The following LMTK2 variants were observed in gnomAD, a reference collection of about 807,000 sequenced individuals.
LMTK2 encodes the protein serine/threonine-protein kinase LMTK2.
A neutral mutation model predicts 127.5 loss-of-function variants in LMTK2; 37 were observed. That is an observed-to-expected ratio of 0.29 (90% CI 0.22 to 0.38). The LOEUF is 0.38. Among genes scored for constraint, LMTK2 ranks in the 10% least tolerant of loss-of-function variants. LMTK2 has a pLI of 1.00. For synonymous variants in LMTK2, 819 were observed against 810.1 expected (o/e 1.01, Z -0.19); for missense variants, 1,694 against 1,920.3 (o/e 0.88, Z 2.20).
intron 7 of LMTK2, among the ~76,000 whole-genome samples, chr7:98,172,419 G>T (rs1398962218): frequency 6.7e-6 from 1 of 150,208 alleles, no homozygotes; most frequent in African/African-American, 2.5e-5. Flanking sequence ...TTGAATGACC[G>T]TAGTTCTTTG....
rs567752815 is a variant in LMTK2 at position 98,136,655 on chromosome 7, C to T, written c.104-660C>T. ...GTGGGAGCCACCTGGCCCATGGGATCAAAGTCACCTCACCAGGCATAGGTC... is the reference window on the plus strand; with the variant it reads ...GTGGGAGCCACCTGGCCCATGGGATTAAAGTCACCTCACCAGGCATAGGTC... On this transcript the variant is annotated intron_variant, in intron 1 of 13. Transcript: ENST00000297293. 1.1e-4 allele frequency among the ~76,000 whole-genome samples: 16 copies of T among 152,312 alleles called. 1 individual carries two copies. The South Asian group carries it at 2.9e-3, about 28-fold the overall frequency.
intron 1 of LMTK2, among the ~76,000 whole-genome samples, chr7:98,120,597 G>A (rs1796347165): frequency 6.6e-6 from 1 of 152,086 alleles, no homozygotes; most frequent in Non-Finnish European, 1.5e-5. Flanking sequence ...TTTTCTCATC[G>A]CAGATTCTTC....
At chr7:98,150,307 C>CA (rs35422809) in intron 3 of LMTK2, among the ~76,000 whole-genome samples, 57,574 of 116,656 alleles carry the variant, frequency 0.49, 14,398 homozygotes, top group Middle Eastern at 0.68. Flanking sequence ...GACCCTGTCT[C>CA]AAAAAAAAAA....
chr7:98,164,126 C>G (rs138977218), intron 6 of LMTK2, among the ~76,000 whole-genome samples: 152 of 152,352 alleles, frequency 1.0e-3, no homozygotes, highest in African/African-American at 3.5e-3. Flanking sequence ...GAAAACTCCT[C>G]TGAGTGCATT....
chr7:98,141,642 T>A lies in LMTK2; in HGVS notation c.376+101T>A. The stretch of plus-strand genomic sequence containing the variant: ...AATATTGGACTGCCCATCTCCTCTT[T>A]GGTTTATTTCTCTTCCTTCTGCTCC... On this transcript the variant is annotated intron_variant, in intron 3 of 13. Coordinates refer to ENST00000297293, the MANE Select transcript of LMTK2 (RefSeq NM_014916.4). The A allele has an allele frequency of 2.6e-6, 3 of 1,158,474 alleles. No homozygotes were observed. In the South Asian group the frequency reaches 4.2e-5, roughly 16 times the overall value. The allele number at this position is 1,158,474 out of a possible 1,614,324, so 71.8% of individuals were successfully genotyped here. A position where few individuals can be genotyped will look rare whatever the true frequency, so the allele number is the denominator to read the frequency against.
intron 4 of LMTK2, among the ~76,000 whole-genome samples, chr7:98,153,278 G>C (rs1246111491): frequency 1.3e-5 from 2 of 152,186 alleles, no homozygotes; most frequent in Non-Finnish European, 2.9e-5. Flanking sequence ...TGGAAACCAG[G>C]GGGAGGCTCT....
At chr7:98,136,685 G>C (rs931111994) in intron 1 of LMTK2, among the ~76,000 whole-genome samples, 1 of 152,192 alleles carries the variant, frequency 6.6e-6, no homozygotes, top group African/African-American at 2.4e-5. Flanking sequence ...TAGGTCATGC[G>C]CCCTGCTGTG....
In LMTK2 at chr7:98,193,041, G is replaced by A; in HGVS notation, c.2576G>A (p.Ser859Asn). ...VPEDCLHQDI[S>N]PDAVTVPVEI... The stretch of plus-strand genomic sequence containing the variant: ...GAGGACTGTCTCCACCAGGACATCA[G>A]TCCAGACGCTGTGACTGTCCCGGTT... The change falls in exon 11 of 14, where the codon AGT becomes AAT. Residue 859 changes from serine to asparagine, a missense_variant. Ser to Asn is a conservative substitution (Grantham distance 46, BLOSUM62 1). Coordinates refer to ENST00000297293, the MANE Select transcript of LMTK2 (RefSeq NM_014916.4). The surrounding 1 kb of genome is among the most constrained non-coding windows in gnomAD (Gnocchi z 4.1). 2 of 1,613,990 alleles carry A rather than the reference G, an allele frequency of 1.2e-6. No homozygotes were observed. The highest frequency in any genetic ancestry group is 2.2e-5 in the South Asian group (2 of 91,074).
chr7:98,145,870 T>C (rs896372697), intron 3 of LMTK2, among the ~76,000 whole-genome samples: 1 of 152,218 alleles, frequency 6.6e-6, no homozygotes, highest in Non-Finnish European at 1.5e-5. Context: ...TTTGGTGTCA[T>C]ATTTAAGAAA....
intron 1 of LMTK2, among the ~76,000 whole-genome samples, chr7:98,115,971 G>A (rs1796276458): frequency 6.6e-6 from 1 of 152,008 alleles, no homozygotes; most frequent in Non-Finnish European, 1.5e-5. Flanking sequence ...CTGCATCCCT[G>A]AACTCCTAGG....
intron 1 of LMTK2, among the ~76,000 whole-genome samples, chr7:98,111,632 G>A (rs1402899122): frequency 6.6e-6 from 1 of 152,128 alleles, no homozygotes; most frequent in Non-Finnish European, 1.5e-5. Context: ...GTTGTGGGGG[G>A]CACAGTGGTG....
chr7:98,202,458 T>C (rs946491358), intron 11 of LMTK2, among the ~76,000 whole-genome samples: 1 of 152,180 alleles, frequency 6.6e-6, no homozygotes, highest in African/African-American at 2.4e-5. Flanking sequence ...ATTGAGGTGT[T>C]CCTGGTTTTT....
Position 98,107,112 on chromosome 7 carries a change from C to A in LMTK2, c.-66C>A, listed in dbSNP as rs1178381173. Reference sequence around the variant, plus strand: ...AGCGGAGGGAGGCAGGATCGACTGACGGGCGAACGGACGGACGGACGGAAG... The same window carrying A: ...AGCGGAGGGAGGCAGGATCGACTGAAGGGCGAACGGACGGACGGACGGAAG... On this transcript the variant is annotated 5_prime_UTR_variant, in exon 1 of 14. Coordinates refer to ENST00000297293, the MANE Select transcript of LMTK2 (RefSeq NM_014916.4). 1.6e-6 allele frequency: 2 copies of A among 1,255,260 alleles called. No individual in the cohort carries two copies. The highest frequency in any genetic ancestry group is 1.7e-5 in the South Asian group (1 of 59,402). 77.8% of individuals were successfully genotyped at this position (1,255,260 alleles called of 1,614,324 possible). A position where few individuals can be genotyped will look rare whatever the true frequency, so the allele number is the denominator to read the frequency against.
chr7:98,204,439 T>A (rs986252403), intron 13 of LMTK2, among the ~76,000 whole-genome samples: 2 of 151,650 alleles, frequency 1.3e-5, no homozygotes, highest in African/African-American at 4.9e-5. Flanking sequence ...CTGGGCAACA[T>A]AGTGAGACCC....
Position 98,192,346 on chromosome 7 carries a change from C to T in LMTK2, c.1881C>T (p.Gly627=), listed in dbSNP as rs1211197514. ...CAGGGGACTTACACGTGACCAGTGGCCCCGAGAGCCCTTTCAACAATATAT... is the reference window on the plus strand; with the variant it reads ...CAGGGGACTTACACGTGACCAGTGGTCCCGAGAGCCCTTTCAACAATATAT... ...SLPGDLHVTS[G]PESPFNNIFN... Residue 627 remains glycine (G), a synonymous_variant, in exon 11 of 14, where the codon GGC becomes GGT. Transcript: ENST00000297293. The T allele has an allele frequency of 1.3e-6, 2 of 1,578,608 alleles. No individual in the cohort carries two copies. Among genetic ancestry groups the T allele is most frequent in the Admixed American group, 1.9e-5 (1 of 52,662 alleles).
At chr7:98,160,714 G>A (rs994867550) in intron 6 of LMTK2, among the ~76,000 whole-genome samples, 2 of 152,140 alleles carry the variant, frequency 1.3e-5, no homozygotes, top group African/African-American at 4.8e-5. Context: ...TGGTTACTGA[G>A]AGAGGCTCTA....
chr7:98,196,447 G>A (rs898549778), intron 11 of LMTK2, among the ~76,000 whole-genome samples: 3 of 152,176 alleles, frequency 2.0e-5, no homozygotes, highest in African/African-American at 2.4e-5. Context: ...TTTCTCCACC[G>A]TCTCTGTGAA....
intron 9 of LMTK2, 64 bp from the exon 10 acceptor site, chr7:98,190,664 G>A: frequency 1.4e-6 from 2 of 1,462,238 alleles, no homozygotes; most frequent in South Asian, 2.3e-5. Context: ...TATGTAACAA[G>A]TATGAGTGTT....
At position 98,209,388 on chromosome 7, in the gene LMTK2, G is replaced by C. The variant is rs1797856744; in HGVS notation, c.*3896G>C. The C allele has an allele frequency of 6.6e-6, 1 of 152,184 alleles. No individual in the cohort carries two copies. The highest frequency in any genetic ancestry group is 2.1e-4 in the South Asian group (1 of 4,828). 9.4% of individuals were successfully genotyped at this position (152,184 alleles called of 1,614,324 possible). On this transcript the variant is annotated 3_prime_UTR_variant, in exon 14 of 14. Coordinates refer to ENST00000297293, the MANE Select transcript of LMTK2 (RefSeq NM_014916.4). The stretch of plus-strand genomic sequence containing the variant: ...CATGGGGCTGGTGTATGGATCCACC[G>C]TCGGATTCCGTCTGCAGAGGAGGAC...
Sources: gnomAD v4.1 joint callset for allele counts (sites outside exome capture counted in the v4.1 genomes callset) on GRCh38, gnomAD v4.1.1 for gene constraint, Gnocchi (gnomAD v3.1) non-coding constraint, MANE v1.5 for transcripts, NCBI Gene and HGNC (gene_info 2026-07-23, HGNC 2026-07-21) for gene names.